PTGIS: variants seen among roughly 807,000 people sequenced by gnomAD.
The protein encoded by PTGIS is prostaglandin I2 synthase.
A neutral mutation model predicts 50.3 loss-of-function variants in PTGIS; 45 were observed. The ratio of observed to expected loss-of-function variants is 0.90; its 90% CI spans 0.70 to 1.15. PTGIS has a LOEUF of 1.15. PTGIS is among the 50% of genes most tolerant of loss of function. The probability of loss-of-function intolerance (pLI) is 0.00; values close to 1 mark genes in which losing one functional copy is unlikely to be tolerated. For missense variants in PTGIS, 668 were observed against 661.3 expected (o/e 1.01, Z -0.11); for synonymous variants, 260 against 267.7 (o/e 0.97, Z 0.28).
chr20:49,510,828 T>A (rs899493560), intron 9 of PTGIS, among the ~76,000 whole-genome samples, 200 bp downstream of exon 9: 3 of 152,186 alleles, frequency 2.0e-5, no homozygotes, highest in African/African-American at 7.2e-5. Context: ...AAATCCGAAA[T>A]CTGGCTTTTT....
intron 5 of PTGIS, among the ~76,000 whole-genome samples, 160 bp from the exon 6 acceptor site, chr20:49,524,399 A>C (rs79958301): frequency 6.6e-6 from 1 of 152,120 alleles, no homozygotes; most frequent in East Asian, 1.9e-4. Flanking sequence ...GGCCCACAGC[A>C]GGAAGCCCTT....
intron 6 of PTGIS, among the ~76,000 whole-genome samples, chr20:49,515,964 T>G (rs1981462438): frequency 6.6e-6 from 1 of 151,786 alleles, no homozygotes; most frequent in Admixed American, 6.6e-5. Context: ...CACTGCAGCC[T>G]CGACCTCCTA....
At chr20:49,554,757 G>C (rs752364507) in intron 1 of PTGIS, among the ~76,000 whole-genome samples, 5 of 152,078 alleles carry the variant, frequency 3.3e-5, no homozygotes, top group African/African-American at 4.8e-5. Context: ...CAGCATCTGG[G>C]CTCCTGTGTC....
rs1455121087 is a variant in PTGIS, at chr20:49,544,316, G to A, written c.510C>T (p.Ser170=). The change falls in exon 4 of 10, where the codon AGC becomes AGT. Residue 170 remains serine (S), a synonymous_variant. Transcript: ENST00000244043. The part of the protein sequence containing the change: ...HEMGLLDFSY[S]FLLRAGYLTL... ...CTGCACAGCCTCACCTGAGCAGGAA[G>A]CTGTAGGAGAAGTCGAGGAGACCCA... 6.2e-7 allele frequency: 1 copy of A among 1,614,178 alleles called. No individual in the cohort carries two copies. Among genetic ancestry groups the A allele is most frequent in the Non-Finnish European group, 8.5e-7 (1 of 1,180,042 alleles).
chr20:49,553,890 T>C (rs946687744), intron 1 of PTGIS, among the ~76,000 whole-genome samples: 23 of 152,106 alleles, frequency 1.5e-4, no homozygotes, highest in African/African-American at 5.3e-4. Flanking sequence ...TGTAAATGGT[T>C]TGTGTAAGTC....
rs1318349315 is a variant in PTGIS, at chr20:49,544,286, G to A, written c.521+19C>T. 3 of 1,613,526 alleles carry A rather than the reference G, an allele frequency of 1.9e-6. No homozygotes were observed. In the South Asian group the frequency reaches 3.3e-5, roughly 18 times the overall value. ...AAGTGCCGGGCCCCAGCAGGAGGGT[G>A]GGGGCTGCACAGCCTCACCTGAGCA... On this transcript the variant is annotated intron_variant, in intron 4 of 9. Transcript: ENST00000244043.
At chr20:49,543,202 C>G (rs1056739652) in intron 4 of PTGIS, among the ~76,000 whole-genome samples, 4 of 152,178 alleles carry the variant, frequency 2.6e-5, no homozygotes, top group African/African-American at 9.6e-5. Context: ...CACCGCTGCC[C>G]CAGTCAAATC....
At chr20:49,538,256 GAAAAA>G (rs58986753) in intron 5 of PTGIS, among the ~76,000 whole-genome samples, 362 of 30,196 alleles carry the variant, frequency 0.012, 1 homozygote, top group African/African-American at 0.038. Flanking sequence ...CCCTGGTTCA[GAAAAA>G]AAAAAAAAAA....
In PTGIS at chr20:49,540,415, G is replaced by T. The variant is rs2122878069; in HGVS notation, c.522-694C>A. On this transcript the variant is annotated intron_variant, in intron 4 of 9. Coordinates refer to ENST00000244043, the MANE Select transcript of PTGIS (RefSeq NM_000961.4). This position sits in a 1 kb window ranked among gnomAD's most constrained non-coding sequence, Gnocchi z 4.8. ...GGCCCAGAGCTGAGAGTGCAACCGTGCCTGGTGGGAGAGGTGCCAGCTGTG... is the reference window on the plus strand; with the variant it reads ...GGCCCAGAGCTGAGAGTGCAACCGTTCCTGGTGGGAGAGGTGCCAGCTGTG... Among the ~76,000 whole-genome samples, 1 of 152,292 alleles carries T rather than the reference G, an allele frequency of 6.6e-6. No individual in the cohort carries two copies. The highest frequency in any genetic ancestry group is 2.4e-5 in the African/African-American group (1 of 41,562).
intron 7 of PTGIS, 72 bp downstream of exon 7, chr20:49,514,155 T>C: frequency 1.3e-6 from 2 of 1,551,652 alleles, no homozygotes; most frequent in East Asian, 2.3e-5. Flanking sequence ...CAGGAGTCCA[T>C]GTTGGGGAGG....
chr20:49,518,792 A>G (rs753966131), intron 6 of PTGIS, among the ~76,000 whole-genome samples: 1 of 152,148 alleles, frequency 6.6e-6, no homozygotes, highest in South Asian at 2.1e-4. Context: ...CTGACTCTCA[A>G]TACTGTGGTT....
At chr20:49,523,678 C>G (rs1981713799) in intron 6 of PTGIS, among the ~76,000 whole-genome samples, 1 of 152,034 alleles carries the variant, frequency 6.6e-6, no homozygotes, top group Non-Finnish European at 1.5e-5. Flanking sequence ...ACTCGGGAGG[C>G]TGAGGCATGA....
intron 6 of PTGIS, among the ~76,000 whole-genome samples, chr20:49,521,948 G>T (rs933130341): frequency 2.8e-4 from 43 of 151,878 alleles, no homozygotes; most frequent in Non-Finnish European, 2.9e-4. Flanking sequence ...TCACCTCCAT[G>T]GCCACCACCT....
At chr20:49,509,615 G>A (rs1160347056) in intron 9 of PTGIS, among the ~76,000 whole-genome samples, 1 of 152,108 alleles carries the variant, frequency 6.6e-6, no homozygotes, top group African/African-American at 2.4e-5. Flanking sequence ...AGGTGAAGAC[G>A]AAAGACTGCA....
At position 49,529,443 on chromosome 20, in the gene PTGIS, CCT is replaced by C. The variant is rs543795039; in HGVS notation, c.674-5206_674-5205del. Reference sequence around the variant, plus strand: ...ATTGTTACAAATGGCAGGATTTCTCCCTTTTTATGGCTGAATAACATTCTTTC... The same window carrying C: ...ATTGTTACAAATGGCAGGATTTCTCCTTTTATGGCTGAATAACATTCTTTC... On this transcript the variant is annotated intron_variant, in intron 5 of 9. Coordinates refer to ENST00000244043, the MANE Select transcript of PTGIS (RefSeq NM_000961.4). Among the ~76,000 whole-genome samples, 181 of 152,294 alleles carry C rather than the reference CCT, an allele frequency of 1.2e-3. 1 individual carries two copies. The highest frequency in any genetic ancestry group is 6.8e-3 in the Middle Eastern group (2 of 294).
intron 5 of PTGIS, among the ~76,000 whole-genome samples, chr20:49,536,846 T>A (rs1568678096): frequency 6.6e-6 from 1 of 151,542 alleles, no homozygotes; most frequent in African/African-American, 2.4e-5. Flanking sequence ...ATCCTGCTGT[T>A]CCCCCCATTT....
At chr20:49,558,475 C>T (rs183148861) in intron 1 of PTGIS, among the ~76,000 whole-genome samples, 4 of 152,276 alleles carry the variant, frequency 2.6e-5, no homozygotes, top group Admixed American at 1.3e-4. Context: ...AATGTAAAAT[C>T]GTGCAGCTGC....
At chr20:49,528,516 A>G (rs1981849243) in intron 5 of PTGIS, among the ~76,000 whole-genome samples, 1 of 152,186 alleles carries the variant, frequency 6.6e-6, no homozygotes, top group Non-Finnish European at 1.5e-5. Flanking sequence ...GCTACTCAGG[A>G]GGCTGGGGCA....
chr20:49,559,818 G>A (rs1176683571), intron 1 of PTGIS, among the ~76,000 whole-genome samples: 2 of 152,110 alleles, frequency 1.3e-5, no homozygotes, highest in African/African-American at 4.8e-5. Flanking sequence ...GGGAGTGACT[G>A]CTAATGGGTA....
Sources: allele counts gnomAD v4.1 joint callset (sites outside exome capture counted in the v4.1 genomes callset), GRCh38; gene constraint gnomAD v4.1.1; non-coding constraint Gnocchi (gnomAD v3.1); transcripts MANE v1.5; gene names NCBI Gene and HGNC (gene_info 2026-07-23, HGNC 2026-07-21).